The following AGAP1 variants were observed in gnomAD, a reference collection of about 807,000 sequenced individuals.
AGAP1 encodes ArfGAP with GTPase domain, ankyrin repeat and PH domain 1.
A neutral mutation model predicts 105.3 loss-of-function variants in AGAP1; 29 were observed. The ratio of observed to expected loss-of-function variants is 0.28; its 90% confidence interval spans 0.21 to 0.38. AGAP1 has a LOEUF of 0.38. Ranked by LOEUF, AGAP1 falls within the 10% of genes least tolerant of loss-of-function variation. The pLI, the probability that AGAP1 is intolerant of heterozygous loss-of-function variation, is 1.00. For synonymous variants in AGAP1, 509 were observed against 485.9 expected (o/e 1.05, Z -0.63); for missense variants, 998 against 1,165.1 (o/e 0.86, Z 2.09).
chr2:235,649,381 A>G (rs1402790735), intron 1 of AGAP1, among the ~76,000 whole-genome samples: 2 of 152,070 alleles, frequency 1.3e-5, no homozygotes, highest in African/African-American at 2.4e-5. Flanking sequence ...TTATTGTTTT[A>G]CTTTTATTTA....
In AGAP1 at chr2:235,893,589, C is replaced by T. The variant is rs2050658728; in HGVS notation, c.1155+10140C>T. 6.6e-6 allele frequency among the ~76,000 whole-genome samples: 1 copy of T among 152,260 alleles called. No homozygotes were observed. The stretch of plus-strand genomic sequence containing the variant: ...ATGAGGGTGCGCCGTGTCCGTCATG[C>T]AGATGTGCCTTCATGGCCCTCCCTG... On this transcript the variant is annotated intron_variant, in intron 10 of 17. Transcript: ENST00000304032. The surrounding 1 kb of genome is among the most constrained non-coding windows in gnomAD (Gnocchi z 4.7).
rs187288905 is a variant in AGAP1, at chr2:235,586,740, A to G, written c.163+91891A>G. ...ACAACACAGACCACTAAGAGATGTGACAAAGCTGTTCCATCAGAGGAAACA... is the reference window on the plus strand; with the variant it reads ...ACAACACAGACCACTAAGAGATGTGGCAAAGCTGTTCCATCAGAGGAAACA... On this transcript the variant is annotated intron_variant, in intron 1 of 17. Transcript: ENST00000304032. The surrounding 1 kb of genome is among the most constrained non-coding windows in gnomAD (Gnocchi z 4.2). 1.5e-4 allele frequency among the ~76,000 whole-genome samples: 23 copies of G among 152,332 alleles called. No individual in the cohort carries two copies. Among genetic ancestry groups the G allele is most frequent in the Admixed American group, 1.2e-3 (19 of 15,298 alleles).
At chr2:235,688,056 C>T (rs929628786) in intron 1 of AGAP1, among the ~76,000 whole-genome samples, 1 of 152,064 alleles carries the variant, frequency 6.6e-6, no homozygotes, top group East Asian at 1.9e-4. Context: ...CACGCACCAC[C>T]ATACCCAGCT....
At chr2:235,713,780 C>T (rs774979272) in intron 2 of AGAP1, among the ~76,000 whole-genome samples, 7 of 152,162 alleles carry the variant, frequency 4.6e-5, no homozygotes, top group Non-Finnish European at 1.0e-4. Flanking sequence ...ATATATAGCT[C>T]ACAGTTCTGG....
chr2:235,587,259 G>A (rs1034354390), intron 1 of AGAP1, among the ~76,000 whole-genome samples: 7 of 152,164 alleles, frequency 4.6e-5, no homozygotes, highest in African/African-American at 1.7e-4. Flanking sequence ...GGAGGACGGA[G>A]GAGTCCTGTC....
intron 13 of AGAP1, among the ~76,000 whole-genome samples, chr2:236,007,284 C>G (rs1490813129): frequency 6.6e-6 from 1 of 152,222 alleles, no homozygotes; most frequent in Non-Finnish European, 1.5e-5. Flanking sequence ...CTAAAATTAT[C>G]TCTAGTAGAT....
intron 16 of AGAP1, among the ~76,000 whole-genome samples, chr2:236,110,714 T>C (rs2059618330): frequency 6.6e-6 from 1 of 152,204 alleles, no homozygotes; most frequent in Non-Finnish European, 1.5e-5. Flanking sequence ...CCATGATCAA[T>C]CACCTAAAAC....
chr2:235,698,062 G>A (rs1407590990), intron 1 of AGAP1, among the ~76,000 whole-genome samples: 1 of 152,142 alleles, frequency 6.6e-6, no homozygotes, highest in East Asian at 1.9e-4. Context: ...TCGAGGGAGG[G>A]GGGATGGTTT....
chr2:235,930,634 C>A lies in AGAP1; in HGVS notation c.1325-131C>A. ...CTGTCTGGCGCTTCCGTTTGCCATG[C>A]AGGCAGGACAGGGGCTGCTCTCGGT... On this transcript the variant is annotated intron_variant, in intron 11 of 17. Coordinates refer to ENST00000304032, the MANE Select transcript of AGAP1 (RefSeq NM_001037131.3). The surrounding 1 kb of genome is among the most constrained non-coding windows in gnomAD (Gnocchi z 7.9). 3 of 869,022 alleles carry A rather than the reference C, an allele frequency of 3.5e-6. No individual in the cohort carries two copies. Among genetic ancestry groups the A allele is most frequent in the Non-Finnish European group, 3.4e-6 (2 of 580,698 alleles). 53.8% of individuals were successfully genotyped at this position (869,022 alleles called of 1,614,324 possible).
intron 1 of AGAP1, among the ~76,000 whole-genome samples, chr2:235,656,076 C>T (rs1947761793): frequency 6.6e-6 from 1 of 152,234 alleles, no homozygotes; most frequent in Non-Finnish European, 1.5e-5. Context: ...CTGGAGTTCT[C>T]CTTCACCAGG....
At position 235,494,141 on chromosome 2, in the gene AGAP1, G is replaced by C. The variant is rs1039302940; in HGVS notation, c.-546G>C. Reference sequence around the variant, plus strand: ...CAAGGCGCCTGCGACTCGGTCCCAGGTCGGCGGGCGGCGCACGGCGGGCTC... The same window carrying C: ...CAAGGCGCCTGCGACTCGGTCCCAGCTCGGCGGGCGGCGCACGGCGGGCTC... On this transcript the variant is annotated 5_prime_UTR_variant, in exon 1 of 18. Transcript: ENST00000304032. 4 of 145,278 alleles carry C rather than the reference G, an allele frequency of 2.8e-5. No individual in the cohort carries two copies. Among genetic ancestry groups the C allele is most frequent in the African/African-American group, 7.4e-5 (3 of 40,392 alleles). The allele number at this position is 145,278 out of a possible 1,614,324, so 9.0% of individuals were successfully genotyped here. A position where few individuals can be genotyped will look rare whatever the true frequency, so the allele number is the denominator to read the frequency against.
intron 13 of AGAP1, among the ~76,000 whole-genome samples, chr2:235,998,658 T>A (rs1576011051): frequency 6.6e-6 from 1 of 151,800 alleles, no homozygotes; most frequent in East Asian, 1.9e-4. Context: ...TGGTGAGAGG[T>A]GGTGGTGGTG....
intron 9 of AGAP1, among the ~76,000 whole-genome samples, chr2:235,812,802 TGAG>T: frequency 6.6e-6 from 1 of 152,268 alleles, no homozygotes; most frequent in East Asian, 1.9e-4. Context: ...GCCCCACCAT[TGAG>T]GAACCAAGGT....
In AGAP1 at chr2:235,735,696, T is replaced by C. The variant is rs538703496; in HGVS notation, c.311-5267T>C. ...ACTCAGTTCCACCTTCCATATACTT[T>C]TCTCTCTGCAGTGTGGGATTTAGGG... On this transcript the variant is annotated intron_variant, in intron 3 of 17. Coordinates refer to ENST00000304032, the MANE Select transcript of AGAP1 (RefSeq NM_001037131.3). Among the ~76,000 whole-genome samples, 3 of 152,282 alleles carry C rather than the reference T, an allele frequency of 2.0e-5. No homozygotes were observed. The East Asian group carries it at 5.8e-4, about 29-fold the overall frequency.
intron 16 of AGAP1, among the ~76,000 whole-genome samples, chr2:236,057,679 C>T (rs1485670644): frequency 1.3e-5 from 2 of 152,072 alleles, no homozygotes; most frequent in African/African-American, 4.8e-5. Context: ...CTGCATGGTA[C>T]AATATGGAGC....
At chr2:235,606,143 C>T (rs963268987) in intron 1 of AGAP1, among the ~76,000 whole-genome samples, 6 of 152,192 alleles carry the variant, frequency 3.9e-5, no homozygotes, top group African/African-American at 4.8e-5. Context: ...GGCCTTTCAC[C>T]GGTGAGAAGT....
In AGAP1 at chr2:235,967,279, C is replaced by T. The variant is rs1034734290; in HGVS notation, c.1484-1183C>T. Among the ~76,000 whole-genome samples the T allele has an allele frequency of 1.3e-5, 2 of 152,048 alleles. No homozygotes were observed. Among genetic ancestry groups the T allele is most frequent in the Non-Finnish European group, 2.9e-5 (2 of 68,016 alleles). On this transcript the variant is annotated intron_variant, in intron 12 of 17. Coordinates refer to ENST00000304032, the MANE Select transcript of AGAP1 (RefSeq NM_001037131.3). The surrounding 1 kb of genome is among the most constrained non-coding windows in gnomAD (Gnocchi z 4.7). ...ATTTTCAAGTCTTGATTCAGTGTCC[C>T]GTGCTCAGCGAGACCTACCCCAGCT...
In AGAP1 at chr2:236,120,581, ACT is replaced by A. The variant is rs991766150; in HGVS notation, c.2370+137_2370+138del. 26 of 1,464,928 alleles carry A rather than the reference ACT, an allele frequency of 1.8e-5. No individual in the cohort carries two copies. In the African/African-American group the frequency reaches 2.9e-4, roughly 17 times the overall value. The allele number at this position is 1,464,928 out of a possible 1,614,324, so 90.7% of individuals were successfully genotyped here. A position where few individuals can be genotyped will look rare whatever the true frequency, so the allele number is the denominator to read the frequency against. Reference sequence around the variant, plus strand: ...AAGTGGAAACAGTTCCTAATGGGAAACTCTGATTGAAGAGCAGAGGGCCTTAC... The same window carrying A: ...AAGTGGAAACAGTTCCTAATGGGAAACTGATTGAAGAGCAGAGGGCCTTAC... On this transcript the variant is annotated intron_variant, in intron 17 of 17. Coordinates refer to ENST00000304032, the MANE Select transcript of AGAP1 (RefSeq NM_001037131.3). This position sits in a 1 kb window ranked among gnomAD's most constrained non-coding sequence, Gnocchi z 6.0.
In AGAP1 at chr2:236,049,190, A is replaced by C; in HGVS notation, c.2023A>C (p.Lys675Gln). The C allele has an allele frequency of 6.2e-7, 1 of 1,614,208 alleles. No individual in the cohort carries two copies. Reference sequence around the variant, plus strand: ...GGATGACTGGCCAGTCGAGCTCATCAAGGTGATGTCATCCATCGGGAACGA... The same window carrying C: ...GGATGACTGGCCAGTCGAGCTCATCCAGGTGATGTCATCCATCGGGAACGA... ...DLDDWPVELI[K>Q]VMSSIGNELA... Residue 675 changes from lysine to glutamine, a missense_variant, in exon 16 of 18, where the codon AAG (lysine) becomes CAG (glutamine). This residue lies in a region of AGAP1 where 235 missense variants were observed against 270.7 expected (regional missense o/e 0.87). Coordinates refer to ENST00000304032, the MANE Select transcript of AGAP1 (RefSeq NM_001037131.3).
Sources: allele counts gnomAD v4.1 joint callset (sites outside exome capture counted in the v4.1 genomes callset), GRCh38; gene constraint gnomAD v4.1.1; regional missense constraint gnomAD v4.1.1; non-coding constraint Gnocchi (gnomAD v3.1); transcripts MANE v1.5; gene names NCBI Gene and HGNC (gene_info 2026-07-23, HGNC 2026-07-21).